The following SPG11 variants were observed in gnomAD, a reference collection of about 807,000 sequenced individuals.
SPG11 encodes the protein SPG11 vesicle trafficking associated, spatacsin, also known as spatacsin.
SPG11 carries 222 observed loss-of-function variants against 274.0 expected under a neutral mutation model. That is an observed-to-expected ratio of 0.81 (90% CI 0.73 to 0.91). The LOEUF (loss-of-function observed/expected upper bound fraction) is 0.91, where lower values mean the gene tolerates loss of function less well. Among genes scored for constraint, SPG11 ranks in the 40% least tolerant of loss-of-function variants. SPG11 has a pLI of 0.00. For missense variants in SPG11, 3,114 were observed against 2,872.7 expected, an observed-to-expected ratio of 1.08 and a Z score of -1.92; for synonymous variants, 1,144 against 1,039.7, an observed-to-expected ratio of 1.10 and a Z score of -1.93.
chr15:44,584,618 T>C, intron 29 of SPG11, 60 bp from the exon 30 acceptor site: 4 of 1,569,846 alleles, frequency 2.5e-6, no homozygotes, highest in Non-Finnish European at 2.6e-6. Flanking sequence ...TCATAAATGC[T>C]AATGTTCCCT....
At chr15:44,652,384 G>A (rs1055598449) in intron 4 of SPG11, 118 bp from the exon 5 acceptor site, 37 of 1,089,062 alleles carry the variant, frequency 3.4e-5, no homozygotes, top group African/African-American at 9.4e-5. Flanking sequence ...AACAAATTCC[G>A]CAGAAAGGAA....
At position 44,599,995 on chromosome 15, in the gene SPG11, C is replaced by T. The variant is rs185022899; in HGVS notation, c.3686+472G>A. On this transcript the variant is annotated intron_variant, in intron 21 of 39. Transcript: ENST00000261866. ...CGCATGCATTAGGTATTTGTCCTAA[C>T]GTTCTCCCTCCCTTAGAATTCCCTC... Among the ~76,000 whole-genome samples the T allele has an allele frequency of 2.6e-4, 40 of 152,298 alleles. No homozygotes were observed. The East Asian group carries it at 7.5e-3, about 29-fold the overall frequency.
Position 44,570,676 on chromosome 15 carries a change from G to A in SPG11, c.6344-18C>T. The A allele has an allele frequency of 1.9e-6, 3 of 1,612,620 alleles. No individual in the cohort carries two copies. The highest frequency in any genetic ancestry group is 2.2e-5 in the East Asian group (1 of 44,806). ...CTCTGTGGCTGGGAGGGTGGGCACT[G>A]GTAAGATAAGATTATGAACCCTGGC... On this transcript the variant is annotated intron_variant, in intron 33 of 39. Coordinates refer to ENST00000261866, the MANE Select transcript of SPG11 (RefSeq NM_025137.4).
intron 10 of SPG11, among the ~76,000 whole-genome samples, chr15:44,626,708 C>T (rs951863820): frequency 3.9e-5 from 6 of 151,904 alleles, no homozygotes; most frequent in South Asian, 2.1e-4. Context: ...GAAGACACAC[C>T]GATTATAGTA....
intron 4 of SPG11, among the ~76,000 whole-genome samples, chr15:44,652,716 G>A (rs148819559): frequency 5.3e-5 from 8 of 150,954 alleles, no homozygotes; most frequent in African/African-American, 2.0e-4. Flanking sequence ...GTGCAGTGGC[G>A]CAATCTCAGC....
chr15:44,653,021 T>C (rs1278817771), intron 4 of SPG11, among the ~76,000 whole-genome samples: 2 of 152,058 alleles, frequency 1.3e-5, no homozygotes, highest in African/African-American at 4.8e-5. Context: ...TATGTGGGTA[T>C]AGGTGGGAGA....
chr15:44,589,253 A>T lies in SPG11; in HGVS notation c.4905T>A (p.Asp1635Glu), dbSNP rs779553613. The change falls in exon 28 of 40, where the codon GAT (aspartate) becomes GAA (glutamate). Residue 1635 changes from aspartate (D) to glutamate (E), a missense_variant and splice_region_variant. Physicochemically the swap from Asp to Glu is conservative, Grantham distance 45. Coordinates refer to ENST00000261866, the MANE Select transcript of SPG11 (RefSeq NM_025137.4). ...ACTTAACTGTAAGGATTGTCTTACC[A>T]TCAGAGAAGAGATGCTCTCTTTCAA... ...LFVEREHLFS[D>E]GPDVKKLCIL... is the part of the protein sequence containing the mutation. 1.9e-6 allele frequency: 3 copies of T among 1,613,790 alleles called. No homozygotes were observed. The highest frequency in any genetic ancestry group is 2.5e-6 in the Non-Finnish European group (3 of 1,179,958).
chr15:44,589,919 G>A (rs1449006037), intron 27 of SPG11, among the ~76,000 whole-genome samples: 1 of 152,196 alleles, frequency 6.6e-6, no homozygotes, highest in Non-Finnish European at 1.5e-5. Context: ...GATTTCTCCT[G>A]CCTCAGCCTC....
At chr15:44,647,230 C>T (rs1248841901) in intron 7 of SPG11, among the ~76,000 whole-genome samples, 2 of 152,182 alleles carry the variant, frequency 1.3e-5, no homozygotes, top group African/African-American at 4.8e-5. Context: ...GATGCCATTT[C>T]ATTTTGACTT....
chr15:44,564,113 C>T (rs375504033), intron 39 of SPG11, among the ~76,000 whole-genome samples: 2 of 152,142 alleles, frequency 1.3e-5, no homozygotes, highest in African/African-American at 4.8e-5. Flanking sequence ...CTGCCTCAGC[C>T]TCCCGAGTAG....
At chr15:44,617,984 A>C (rs1054351582) in intron 15 of SPG11, among the ~76,000 whole-genome samples, 1 of 151,932 alleles carries the variant, frequency 6.6e-6, no homozygotes, top group East Asian at 1.9e-4. Context: ...CAGACCCTCT[A>C]ATTTCTATAT....
At position 44,628,777 on chromosome 15, in the gene SPG11, G is replaced by GA; in HGVS notation, c.1958dup (p.Met654HisfsTer14). Reference sequence around the variant, plus strand: ...TTAGCTTCCAAGGAAACTTTATCATGAAGGTTCGAAGTTCATTAATGTAGC... The same window carrying GA: ...TTAGCTTCCAAGGAAACTTTATCATGAAAGGTTCGAAGTTCATTAATGTAGC... On this transcript the variant is annotated frameshift_variant, in exon 10 of 40. Transcript: ENST00000261866. LOFTEE classifies it high-confidence loss of function. 1.2e-6 allele frequency: 2 copies of GA among 1,613,580 alleles called. No individual in the cohort carries two copies. The highest frequency in any genetic ancestry group is 1.7e-6 in the Non-Finnish European group (2 of 1,179,828).
chr15:44,661,243 C>T (rs1325622108), intron 1 of SPG11, among the ~76,000 whole-genome samples: 3 of 152,144 alleles, frequency 2.0e-5, no homozygotes, highest in Non-Finnish European at 4.4e-5. Context: ...CATTACTAAA[C>T]GGTAGAGTTA....
chr15:44,596,483 G>A (rs1197353085), intron 24 of SPG11, 128 bp from the exon 25 acceptor site: 2 of 1,114,272 alleles, frequency 1.8e-6, no homozygotes, highest in African/African-American at 3.1e-5. Context: ...TGACTATTAT[G>A]TAATTTTACA....
Position 44,570,650 on chromosome 15 carries a change from G to A in SPG11, c.6352C>T (p.Leu2118Phe). 10 of 1,614,032 alleles carry A rather than the reference G, an allele frequency of 6.2e-6. No individual in the cohort carries two copies. Among genetic ancestry groups the A allele is most frequent in the Non-Finnish European group, 8.5e-6 (10 of 1,179,998 alleles). ...PHGELSCTTE[L>F]LILAHHCFTL... Reference sequence around the variant, plus strand: ...AAGCAATGATGGGCCAGGATCAGGAGCTCTGTGGCTGGGAGGGTGGGCACT... The same window carrying A: ...AAGCAATGATGGGCCAGGATCAGGAACTCTGTGGCTGGGAGGGTGGGCACT... Residue 2118 changes from leucine (L) to phenylalanine (F), a missense_variant, in exon 34 of 40, where the codon CTC becomes TTC. Physicochemically the swap from Leu to Phe is conservative, Grantham distance 22. Transcript: ENST00000261866.
At chr15:44,648,156 G>A (rs1386710634) in intron 7 of SPG11, among the ~76,000 whole-genome samples, 1 of 152,142 alleles carries the variant, frequency 6.6e-6, no homozygotes, top group Non-Finnish European at 1.5e-5. Context: ...ATGTAAAAGA[G>A]TGTTTGTGAA....
At chr15:44,657,514 T>G (rs941261805) in intron 3 of SPG11, among the ~76,000 whole-genome samples, 9 of 152,200 alleles carry the variant, frequency 5.9e-5, no homozygotes, top group Non-Finnish European at 1.0e-4. Flanking sequence ...CAATACCTGC[T>G]GAACATCTGC....
chr15:44,610,307 C>A (rs1032692634), intron 18 of SPG11, among the ~76,000 whole-genome samples: 1 of 152,000 alleles, frequency 6.6e-6, no homozygotes, highest in Admixed American at 6.6e-5. Flanking sequence ...CCCACCCTGG[C>A]CTCTCAAAAG....
Position 44,620,337 on chromosome 15 carries a change from A to C in SPG11, c.2687T>G (p.Ile896Ser), listed in dbSNP as rs1282969741. The change falls in exon 15 of 40, where the codon ATT (isoleucine) becomes AGT (serine). Residue 896 changes from isoleucine to serine, a missense_variant. Physicochemically the swap from Ile to Ser is moderately radical, Grantham distance 142. Transcript: ENST00000261866. The stretch of plus-strand genomic sequence containing the variant: ...TTGAAATTCTCCAATCCATAAGATA[A>C]TGTTTAACCAATCATGGCGAGCTGT... ...YLTARHDWLN[I>S]ILWIGEFQTQ... 6.2e-7 allele frequency: 1 copy of C among 1,614,148 alleles called. No individual in the cohort carries two copies. The highest frequency in any genetic ancestry group is 8.5e-7 in the Non-Finnish European group (1 of 1,180,018).
Sources: gnomAD v4.1 joint callset for allele counts (sites outside exome capture counted in the v4.1 genomes callset) on GRCh38, gnomAD v4.1.1 for gene constraint, MANE v1.5 for transcripts, NCBI Gene and HGNC (gene_info 2026-07-23, HGNC 2026-07-21) for gene names.